Variants in PRKCA observed in about 807,000 individuals in gnomAD.
PRKCA encodes the protein protein kinase C alpha type.
In PRKCA, 27 loss-of-function variants were observed where a neutral mutation model predicts 87.0. That is an observed-to-expected ratio of 0.31 (90% CI 0.23 to 0.43). The LOEUF (loss-of-function observed/expected upper bound fraction) is 0.43. PRKCA is among the 20% of genes least tolerant of loss of function. PRKCA has a pLI of 1.00. For synonymous variants in PRKCA, 329 were observed against 311.1 expected, an observed-to-expected ratio of 1.06 and a Z score of -0.61; for missense variants, 518 against 852.3, an observed-to-expected ratio of 0.61 and a Z score of 4.88.
intron 2 of PRKCA, among the ~76,000 whole-genome samples, chr17:66,425,840 G>T (rs992775818): frequency 6.6e-5 from 10 of 152,252 alleles, no homozygotes; most frequent in Middle Eastern, 6.8e-3. Flanking sequence ...GTGTTAAAAG[G>T]ATTCTTAGAG....
intron 3 of PRKCA, chr17:66,638,140 G>GTA (rs1248483709): frequency 6.9e-6 from 1 of 144,910 alleles, no homozygotes; most frequent in African/African-American, 2.6e-5. Context: ...GTGTGTGTGT[G>GTA]TGTATATATA....
chr17:66,427,333 C>G (rs1042268516), intron 2 of PRKCA, among the ~76,000 whole-genome samples: 1 of 152,214 alleles, frequency 6.6e-6, no homozygotes, highest in Non-Finnish European at 1.5e-5. Context: ...TGCCTGGCCT[C>G]ACTTGTTTTT....
chr17:66,415,622 C>T (rs979856742), intron 2 of PRKCA: 2 of 152,004 alleles, frequency 1.3e-5, no homozygotes, highest in Non-Finnish European at 2.9e-5. Flanking sequence ...ATCCTTAAAT[C>T]GATGTTAGAG....
intron 2 of PRKCA, among the ~76,000 whole-genome samples, chr17:66,465,398 T>A (rs1402956031): frequency 6.6e-6 from 1 of 152,134 alleles, no homozygotes; most frequent in African/African-American, 2.4e-5. Flanking sequence ...TTTTTTAATT[T>A]TTTTTAATTT....
chr17:66,608,568 T>G (rs1434287914), intron 3 of PRKCA, among the ~76,000 whole-genome samples: 1 of 152,210 alleles, frequency 6.6e-6, no homozygotes, highest in African/African-American at 2.4e-5. Context: ...GATAGAAATT[T>G]GTTGCTGAAA....
chr17:66,629,546 T>C (rs555525550), intron 3 of PRKCA, among the ~76,000 whole-genome samples: 2 of 152,320 alleles, frequency 1.3e-5, no homozygotes, highest in East Asian at 3.9e-4. Flanking sequence ...TGAATTCTTA[T>C]AGGAGACTTA....
intron 8 of PRKCA, among the ~76,000 whole-genome samples, chr17:66,717,732 G>T (rs1973512300): frequency 6.6e-6 from 1 of 152,204 alleles, no homozygotes; most frequent in Admixed American, 6.5e-5. Flanking sequence ...AGGCTGTGGT[G>T]AAGTTAGCTC....
intron 2 of PRKCA, among the ~76,000 whole-genome samples, chr17:66,395,844 C>T (rs1012702077): frequency 6.6e-6 from 1 of 152,046 alleles, no homozygotes; most frequent in Non-Finnish European, 1.5e-5. Flanking sequence ...TGAGAGAAGG[C>T]TTTGGGGTTT....
intron 2 of PRKCA, among the ~76,000 whole-genome samples, chr17:66,361,635 A>G (rs546182180): frequency 6.6e-6 from 1 of 152,214 alleles, no homozygotes; most frequent in East Asian, 1.9e-4. Context: ...ATTTTCCTCC[A>G]ACAGCGTGGA....
chr17:66,772,280 G>A (rs1189439353), intron 13 of PRKCA, among the ~76,000 whole-genome samples: 1 of 152,142 alleles, frequency 6.6e-6, no homozygotes, highest in African/African-American at 2.4e-5. Context: ...ACTCCTTGTA[G>A]GTTCCTATGT....
chr17:66,714,900 C>T (rs1973436282), intron 8 of PRKCA, among the ~76,000 whole-genome samples: 1 of 152,114 alleles, frequency 6.6e-6, no homozygotes, highest in South Asian at 2.1e-4. Context: ...AAGCAGGTGT[C>T]CCATTGAGCT....
At chr17:66,729,735 A>G (rs1270637809) in intron 8 of PRKCA, among the ~76,000 whole-genome samples, 1 of 148,822 alleles carries the variant, frequency 6.7e-6, no homozygotes, top group Non-Finnish European at 1.5e-5. Flanking sequence ...TCATCAGAGC[A>G]TGTTCACAAG....
At chr17:66,787,316 A>G (rs73994618) in intron 15 of PRKCA, 5,239 of 404,156 alleles carry the variant, frequency 0.013, 174 homozygotes, top group African/African-American at 0.084. Flanking sequence ...TCGTTTCCTT[A>G]TCCATTCTAC....
intron 2 of PRKCA, among the ~76,000 whole-genome samples, chr17:66,319,857 T>C (rs1022968763): frequency 1.3e-5 from 2 of 152,144 alleles, no homozygotes; most frequent in African/African-American, 4.8e-5. Flanking sequence ...TTCTCCTGCC[T>C]CAGCCTCCTA....
At chr17:66,651,125 G>T (rs1355280223) in intron 5 of PRKCA, among the ~76,000 whole-genome samples, 5 of 152,170 alleles carry the variant, frequency 3.3e-5, no homozygotes, top group Non-Finnish European at 7.3e-5. Context: ...GACAGGGAAG[G>T]AAGAAGAGGG....
chr17:66,798,466 GGTGGT>G (rs1260138755), intron 16 of PRKCA, among the ~76,000 whole-genome samples: 5 of 102,748 alleles, frequency 4.9e-5, no homozygotes, highest in Non-Finnish European at 7.7e-5. Flanking sequence ...TGGTGGTGGT[GGTGGT>G]GGTGGTGGTG....
In PRKCA at chr17:66,463,139, G is replaced by A. The variant is rs144724760; in HGVS notation, c.206-33062G>A. On this transcript the variant is annotated intron_variant, in intron 2 of 16. Coordinates refer to ENST00000413366, the MANE Select transcript of PRKCA (RefSeq NM_002737.3). The stretch of plus-strand genomic sequence containing the variant: ...GGTATATGTGCGCTCTTAGTCCTCT[G>A]TTATCTTCTGTCACCGGGAGACAGG... 2.8e-3 allele frequency among the ~76,000 whole-genome samples: 419 copies of A among 152,270 alleles called. 5 individuals carry two copies. The highest frequency in any genetic ancestry group is 9.6e-3 in the African/African-American group (399 of 41,562).
intron 2 of PRKCA, among the ~76,000 whole-genome samples, chr17:66,332,133 A>G (rs1026497394): frequency 1.3e-5 from 2 of 152,012 alleles, no homozygotes; most frequent in African/African-American, 4.8e-5. Context: ...ACCTCTTGGA[A>G]TAGACCATGG....
At chr17:66,639,961 C>G (rs966224134) in intron 3 of PRKCA, among the ~76,000 whole-genome samples, 4 of 152,052 alleles carry the variant, frequency 2.6e-5, no homozygotes, top group Non-Finnish European at 4.4e-5. Flanking sequence ...TGCCACTGCA[C>G]TCCAGCTTGG....
Sources: allele counts gnomAD v4.1 joint callset (sites outside exome capture counted in the v4.1 genomes callset), GRCh38; gene constraint gnomAD v4.1.1; transcripts MANE v1.5; gene names NCBI Gene and HGNC (gene_info 2026-07-23, HGNC 2026-07-21).